The following XKR9 variants were observed in gnomAD, a reference collection of about 807,000 sequenced individuals.
XKR9 encodes XK related 9, also known as XK-related protein 9.
Under a neutral mutation model 32.0 loss-of-function variants are expected in XKR9, and 32 were observed. That is an observed-to-expected ratio of 1.00 (90% CI 0.76 to 1.34). The LOEUF (loss-of-function observed/expected upper bound fraction) is 1.34, where lower values mean the gene tolerates loss of function less well. Among genes scored for constraint, XKR9 ranks in the 40% most tolerant of loss-of-function variants. XKR9 has a pLI of 0.00. For synonymous variants in XKR9, 168 were observed against 143.4 expected, an observed-to-expected ratio of 1.17 and a Z score of -1.22; for missense variants, 546 against 429.7, an observed-to-expected ratio of 1.27 and a Z score of -2.39.
the XKR9 span, among the ~76,000 whole-genome samples, chr8:71,060,007 A>T: frequency 5.9e-5 from 9 of 152,142 alleles, no homozygotes; most frequent in Admixed American, 5.9e-4. Context: ...GGTCTTAGGA[A>T]ATTATTCAGT....
the XKR9 span, among the ~76,000 whole-genome samples, chr8:70,837,666 C>T: frequency 4.6e-5 from 7 of 152,062 alleles, no homozygotes; most frequent in East Asian, 1.9e-4. Context: ...AAATCTTGGT[C>T]GTGCTGGTCT....
At chr8:70,689,913 G>T (rs930795712) in intron 3 of XKR9, among the ~76,000 whole-genome samples, 2 of 152,032 alleles carry the variant, frequency 1.3e-5, no homozygotes, top group Non-Finnish European at 2.9e-5. Context: ...ATGGGGGAGG[G>T]TAAAAGCTGG....
intron 2 of XKR9, among the ~76,000 whole-genome samples, chr8:70,741,168 C>A (rs1341468076): frequency 6.6e-6 from 1 of 152,168 alleles, no homozygotes; most frequent in Non-Finnish European, 1.5e-5. Context: ...CAAGCCTGGG[C>A]AATGGTGGGT....
chr8:70,888,598 AG>A, the XKR9 span, among the ~76,000 whole-genome samples: 1 of 152,018 alleles, frequency 6.6e-6, no homozygotes, highest in Non-Finnish European at 1.5e-5. Flanking sequence ...ATTTCATGTA[AG>A]TCTTTCATCC....
the XKR9 span, among the ~76,000 whole-genome samples, chr8:71,013,536 G>A: frequency 6.6e-6 from 1 of 152,216 alleles, no homozygotes; most frequent in Admixed American, 6.5e-5. Flanking sequence ...TGAGAAGCCA[G>A]CAGAGTTGTT....
the XKR9 span, among the ~76,000 whole-genome samples, chr8:70,823,700 T>G: frequency 6.6e-6 from 1 of 152,174 alleles, no homozygotes; most frequent in Non-Finnish European, 1.5e-5. Flanking sequence ...TGGATTTGAT[T>G]TTTTTGAATG....
chr8:70,893,832 G>A, the XKR9 span, among the ~76,000 whole-genome samples: 1 of 152,076 alleles, frequency 6.6e-6, no homozygotes, highest in African/African-American at 2.4e-5. Flanking sequence ...GTTTCCAGGT[G>A]CAGGTGCTCA....
chr8:70,901,510 G>GT, the XKR9 span, among the ~76,000 whole-genome samples: 1 of 151,958 alleles, frequency 6.6e-6, no homozygotes, highest in African/African-American at 2.4e-5. Flanking sequence ...GGGGTGTTTG[G>GT]TTTTTTTCCT....
chr8:70,711,708 G>T (rs1805925711), intron 4 of XKR9, among the ~76,000 whole-genome samples: 1 of 95,776 alleles, frequency 1.0e-5, no homozygotes, highest in Middle Eastern at 4.8e-3. Flanking sequence ...GAAATTATTT[G>T]TATACCTAAC....
chr8:70,810,143 G>C, the XKR9 span, among the ~76,000 whole-genome samples: 245 of 152,142 alleles, frequency 1.6e-3, 5 homozygotes, highest in South Asian at 0.049. Flanking sequence ...CTTCAACATT[G>C]TTAAAGAAAA....
intron 2 of XKR9, among the ~76,000 whole-genome samples, chr8:70,766,285 C>T (rs1028010575): frequency 1.3e-4 from 20 of 152,124 alleles, no homozygotes; most frequent in African/African-American, 4.8e-4. Context: ...TTTCCTTGAG[C>T]AGTGGTTTGT....
At chr8:71,049,565 C>A in the XKR9 span, among the ~76,000 whole-genome samples, 150 of 152,288 alleles carry the variant, frequency 9.8e-4, no homozygotes, top group Middle Eastern at 0.024. Context: ...AACCAACCAT[C>A]TGAGTTGTCA....
At chr8:70,771,868 A>C (rs1563475458) in intron 2 of XKR9, among the ~76,000 whole-genome samples, 1 of 152,190 alleles carries the variant, frequency 6.6e-6, no homozygotes, top group Non-Finnish European at 1.5e-5. Flanking sequence ...TGGCAATAAG[A>C]GAATTGTAGA....
the XKR9 span, among the ~76,000 whole-genome samples, chr8:71,025,035 T>C: frequency 6.6e-6 from 1 of 152,226 alleles, no homozygotes; most frequent in African/African-American, 2.4e-5. Flanking sequence ...ATGTATTGAC[T>C]TATATAATCT....
the XKR9 span, among the ~76,000 whole-genome samples, chr8:70,981,547 G>C: frequency 2.0e-5 from 3 of 151,840 alleles, no homozygotes; most frequent in Admixed American, 6.6e-5. Context: ...TTCATATTCT[G>C]TATCATGTTT....
the XKR9 span, among the ~76,000 whole-genome samples, chr8:70,871,365 A>G: frequency 6.6e-6 from 1 of 152,192 alleles, no homozygotes; most frequent in Admixed American, 6.5e-5. Context: ...TTTTTTAAAA[A>G]TCAAAGGTTT....
chr8:70,800,744 C>A, the XKR9 span, among the ~76,000 whole-genome samples: 3 of 152,256 alleles, frequency 2.0e-5, no homozygotes, highest in South Asian at 2.1e-4. Context: ...CCTCAGCCTC[C>A]CGAAGTGCTG....
chr8:70,776,918 T>TC (rs372870674), intron 2 of XKR9, among the ~76,000 whole-genome samples: 3,306 of 89,140 alleles, frequency 0.037, 404 homozygotes, highest in Non-Finnish European at 0.055. Flanking sequence ...AGGTTTTCTC[T>TC]TTCTTTCTCT....
chr8:70,729,718 T>G (rs1055255109), intron 4 of XKR9, among the ~76,000 whole-genome samples: 1 of 152,166 alleles, frequency 6.6e-6, no homozygotes, highest in Admixed American at 6.5e-5. Context: ...TTATAATTAT[T>G]AATGACATCA....
Sources: allele counts gnomAD v4.1 joint callset (sites outside exome capture counted in the v4.1 genomes callset), GRCh38; gene constraint gnomAD v4.1.1; transcripts MANE v1.5; gene names NCBI Gene and HGNC (gene_info 2026-07-23, HGNC 2026-07-21).